Variants in RAB33B observed in about 807,000 individuals in gnomAD.
The protein encoded by RAB33B is RAB33B, member RAS oncogene family, also known as ras-related protein Rab-33B.
RAB33B carries 6 observed loss-of-function variants against 15.0 expected under a neutral mutation model. The ratio of observed to expected loss-of-function variants is 0.40; its 90% CI spans 0.22 to 0.79. RAB33B has a LOEUF of 0.79. RAB33B is among the 30% of genes least tolerant of loss of function. The pLI is 0.37. For missense variants in RAB33B, 257 were observed against 296.4 expected (o/e 0.87, Z 0.98); for synonymous variants, 117 against 108.3 (o/e 1.08, Z -0.50).
chr4:139,444,937 G>T, the RAB33B span, among the ~76,000 whole-genome samples: 2 of 152,200 alleles, frequency 1.3e-5, no homozygotes, highest in Non-Finnish European at 2.9e-5. Context: ...CCCTGGAGGG[G>T]TTGCGGAAAT....
the RAB33B span, among the ~76,000 whole-genome samples, chr4:139,446,044 C>T: frequency 4.0e-4 from 61 of 152,216 alleles, no homozygotes; most frequent in Admixed American, 6.5e-4. Flanking sequence ...CCCATCTAGC[C>T]GTAAAGTGGG....
chr4:139,446,407 A>C, the RAB33B span, among the ~76,000 whole-genome samples: 1 of 152,148 alleles, frequency 6.6e-6, no homozygotes, highest in Non-Finnish European at 1.5e-5. Flanking sequence ...TAAGCAGTAC[A>C]CCTAGTTGTG....
rs1324933423 is a variant in RAB33B, at chr4:139,476,383, A to G, written c.*3257A>G. ...TGATTCTGCTTCCCCTGGTCAGTTTATTTTACGTATAAGTTACCCTTGTGT... is the reference window on the plus strand; with the variant it reads ...TGATTCTGCTTCCCCTGGTCAGTTTGTTTTACGTATAAGTTACCCTTGTGT... On this transcript the variant is annotated 3_prime_UTR_variant, in exon 2 of 2. Coordinates refer to ENST00000305626, the MANE Select transcript of RAB33B (RefSeq NM_031296.3). 6.6e-6 allele frequency: 1 copy of G among 152,146 alleles called. No individual in the cohort carries two copies. The highest frequency in any genetic ancestry group is 1.5e-5 in the Non-Finnish European group (1 of 68,030). The allele number at this position is 152,146 out of a possible 1,614,324, so 9.4% of individuals were successfully genotyped here.
the RAB33B span, among the ~76,000 whole-genome samples, chr4:139,448,069 C>A: frequency 6.6e-6 from 1 of 152,116 alleles, no homozygotes; most frequent in African/African-American, 2.4e-5. Context: ...TATTCCACAA[C>A]TGAGGTAAGG....
rs1183858810 is a variant in RAB33B, at chr4:139,473,131, C to T, written c.*5C>T. ...GCAATGACGTGCTGGTGCTAAATAA[C>T]AGTCTTTATTATATTATCTAATTTT... On this transcript the variant is annotated 3_prime_UTR_variant, in exon 2 of 2. Transcript: ENST00000305626. 3.2e-6 allele frequency: 5 copies of T among 1,584,292 alleles called. No homozygotes were observed. Among genetic ancestry groups the T allele is most frequent in the Non-Finnish European group, 3.4e-6 (4 of 1,166,482 alleles).
chr4:139,456,353 G>C (rs1750067871), intron 1 of RAB33B, among the ~76,000 whole-genome samples: 1 of 152,132 alleles, frequency 6.6e-6, no homozygotes, highest in South Asian at 2.1e-4. Context: ...GAGGAGTTGG[G>C]ATTTGAGGGC....
rs375211226 is a variant in RAB33B, at chr4:139,454,222, C to G, written c.27C>G (p.Leu9=). Residue 9 remains leucine (L), a synonymous_variant, in exon 1 of 2, where the codon CTC becomes CTG. Transcript: ENST00000305626. MAEEMESS[L]EASFSSSGAV... ...TGGCTGAGGAGATGGAGTCGTCGCT[C>G]GAGGCAAGCTTTTCGTCCAGCGGGG... 3.7e-6 allele frequency: 6 copies of G among 1,613,504 alleles called. No homozygotes were observed. In the African/African-American group the frequency reaches 6.7e-5, roughly 18 times the overall value.
chr4:139,460,486 G>A (rs908441691), intron 1 of RAB33B, among the ~76,000 whole-genome samples: 1 of 152,172 alleles, frequency 6.6e-6, no homozygotes, highest in Non-Finnish European at 1.5e-5. Flanking sequence ...ACTAATTATT[G>A]TTCTGTGTTG....
chr4:139,464,057 G>T (rs1404242947), intron 1 of RAB33B, among the ~76,000 whole-genome samples: 1 of 152,156 alleles, frequency 6.6e-6, no homozygotes, highest in Non-Finnish European at 1.5e-5. Context: ...AGGATCACTT[G>T]ACCCCAGGAG....
chr4:139,454,223 G>A lies in RAB33B; in HGVS notation c.28G>A (p.Glu10Lys), dbSNP rs748593700. MAEEMESSL[E>K]ASFSSSGAVS... ...GGCTGAGGAGATGGAGTCGTCGCTC[G>A]AGGCAAGCTTTTCGTCCAGCGGGGC... Residue 10 changes from glutamate to lysine, a missense_variant, in exon 1 of 2, where the codon GAG becomes AAG. Transcript: ENST00000305626. 1 of 1,613,850 alleles carries A rather than the reference G, an allele frequency of 6.2e-7. No individual in the cohort carries two copies. Among genetic ancestry groups the A allele is most frequent in the South Asian group, 1.1e-5 (1 of 91,062 alleles).
the RAB33B span, among the ~76,000 whole-genome samples, chr4:139,439,414 T>C: frequency 2.0e-5 from 3 of 152,250 alleles, no homozygotes; most frequent in Non-Finnish European, 4.4e-5. Flanking sequence ...GATAATCTTA[T>C]TGAGGATCAT....
At chr4:139,447,224 G>A in the RAB33B span, among the ~76,000 whole-genome samples, 1 of 152,170 alleles carries the variant, frequency 6.6e-6, no homozygotes, top group Non-Finnish European at 1.5e-5. Flanking sequence ...GAACGGAATG[G>A]CCTTTTGAAG....
At chr4:139,448,109 T>G in the RAB33B span, among the ~76,000 whole-genome samples, 1 of 152,156 alleles carries the variant, frequency 6.6e-6, no homozygotes, top group Non-Finnish European at 1.5e-5. Flanking sequence ...AGAGATCTAT[T>G]AAGGTGTCTC....
intron 1 of RAB33B, among the ~76,000 whole-genome samples, chr4:139,470,236 C>CTGTGG (rs1422838485): frequency 6.6e-6 from 1 of 152,240 alleles, no homozygotes; most frequent in African/African-American, 2.4e-5. Flanking sequence ...TTCTGTTGTA[C>CTGTGG]TGTGGCTGAG....
the RAB33B span, among the ~76,000 whole-genome samples, chr4:139,438,703 C>A: frequency 1.3e-5 from 2 of 152,178 alleles, no homozygotes; most frequent in African/African-American, 4.8e-5. Flanking sequence ...TACAATAACA[C>A]TAGCTTTTGG....
the RAB33B span, among the ~76,000 whole-genome samples, chr4:139,439,138 C>T: frequency 6.6e-6 from 1 of 152,088 alleles, no homozygotes; most frequent in African/African-American, 2.4e-5. Context: ...GTAGCTGGGA[C>T]TACAGGCACC....
Position 139,475,281 on chromosome 4 carries a change from G to A in RAB33B, c.*2155G>A, listed in dbSNP as rs919857317. 2.0e-5 allele frequency: 3 copies of A among 151,856 alleles called. No homozygotes were observed. The highest frequency in any genetic ancestry group is 4.4e-5 in the Non-Finnish European group (3 of 67,878). 9.4% of individuals were successfully genotyped at this position (151,856 alleles called of 1,614,324 possible). ...GCTTTTCAAAATATTTTCTAAAGTG[G>A]GGGAAGAAAGTTTATAGACTTTCCA... is the stretch of plus-strand genomic sequence containing the variant. On this transcript the variant is annotated 3_prime_UTR_variant, in exon 2 of 2. Coordinates refer to ENST00000305626, the MANE Select transcript of RAB33B (RefSeq NM_031296.3).
chr4:139,449,940 C>T (rs1749889558), upstream of RAB33B: 1 of 152,210 alleles, frequency 6.6e-6, no homozygotes, highest in African/African-American at 2.4e-5. Context: ...CCATTTTTAA[C>T]CTTTCTTACT....
rs946189980 is a variant in RAB33B, at chr4:139,469,828, T to G, written c.250-2858T>G. On this transcript the variant is annotated intron_variant, in intron 1 of 1. Transcript: ENST00000305626. ...AGGCAGAGATGCGTGCTTCCTTCCC[T>G]TACTTTCTTCCAAACATACAGAGTC... 2.0e-5 allele frequency among the ~76,000 whole-genome samples: 3 copies of G among 152,206 alleles called. No individual in the cohort carries two copies. The South Asian group carries it at 6.2e-4, about 32-fold the overall frequency.
Sources: gnomAD v4.1 joint callset for allele counts (sites outside exome capture counted in the v4.1 genomes callset) on GRCh38, gnomAD v4.1.1 for gene constraint, MANE v1.5 for transcripts, NCBI Gene and HGNC (gene_info 2026-07-23, HGNC 2026-07-21) for gene names.